The following DRG2 variants were observed in gnomAD, a reference collection of about 807,000 sequenced individuals.
DRG2 encodes the protein developmentally-regulated GTP-binding protein 2.
Under a neutral mutation model 53.4 loss-of-function variants are expected in DRG2, and 36 were observed. The observed-to-expected ratio is 0.67, with a 90% CI of 0.52 to 0.89. DRG2 has a LOEUF of 0.89. Among genes scored for constraint, DRG2 ranks in the 40% least tolerant of loss-of-function variants. The pLI is 0.00. For synonymous variants in DRG2, 167 were observed against 192.1 expected (o/e 0.87, Z 1.08); for missense variants, 342 against 481.2 (o/e 0.71, Z 2.71).
chr17:18,106,323 C>T (rs529676779), intron 11 of DRG2, 110 bp from the exon 12 acceptor site: 239 of 1,246,574 alleles, frequency 1.9e-4, no homozygotes, highest in Non-Finnish European at 2.4e-4. Flanking sequence ...GCACCTGCCG[C>T]GGGAACTCCT....
chr17:18,092,953 A>G (rs1350274629), intron 1 of DRG2, among the ~76,000 whole-genome samples: 4 of 152,352 alleles, frequency 2.6e-5, no homozygotes, highest in Middle Eastern at 3.4e-3. Flanking sequence ...CTTCATATAC[A>G]TAATAGTTGC....
At chr17:18,088,229 G>C in intron 1 of DRG2, 142 bp downstream of exon 1, 2 of 1,080,538 alleles carry the variant, frequency 1.9e-6, no homozygotes, top group Non-Finnish European at 2.6e-6. Flanking sequence ...AGGCCGCCCT[G>C]CGCGCCCAAG....
chr17:18,099,329 T>TAG lies in DRG2; in HGVS notation c.376+253_376+254dup. ...GCATAATAATACATAATTTACAGCA[T>TAG]AGTTTTGAGGATTAAGTGAGGAAAT... On this transcript the variant is annotated intron_variant, in intron 4 of 12. Transcript: ENST00000225729. The surrounding 1 kb of genome is among the most constrained non-coding windows in gnomAD (Gnocchi z 4.4). The TAG allele has an allele frequency of 1.6e-6, 1 of 609,914 alleles. No homozygotes were observed. Among genetic ancestry groups the TAG allele is most frequent in the Non-Finnish European group, 2.9e-6 (1 of 346,994 alleles). 37.8% of individuals were successfully genotyped at this position (609,914 alleles called of 1,614,324 possible).
Position 18,104,804 on chromosome 17 carries a change from G to A in DRG2, c.954+123G>A, listed in dbSNP as rs995904269. ...GCTGGTCTCACTCTCAGATGTCAAC[G>A]CAGGCTCTGGAGTTGGACAGCCTGG... On this transcript the variant is annotated intron_variant, in intron 11 of 12. Transcript: ENST00000225729. 50 of 1,506,186 alleles carry A rather than the reference G, an allele frequency of 3.3e-5. No individual in the cohort carries two copies. The Middle Eastern group carries it at 8.7e-4, about 26-fold the overall frequency. 93.3% of individuals were successfully genotyped at this position (1,506,186 alleles called of 1,614,324 possible).
chr17:18,092,657 T>G (rs2045353526), intron 1 of DRG2, among the ~76,000 whole-genome samples: 1 of 152,084 alleles, frequency 6.6e-6, no homozygotes, highest in Admixed American at 6.6e-5. Context: ...AATACCCTAA[T>G]AGTAATATAA....
At position 18,099,976 on chromosome 17, in the gene DRG2, ACAGGTGCCTCATCACTGCCCAGAACCTGC is replaced by A. The variant is rs2045500740; in HGVS notation, c.467+258_467+286del. 1.7e-6 allele frequency: 1 copy of A among 592,222 alleles called. No homozygotes were observed. 36.7% of individuals were successfully genotyped at this position (592,222 alleles called of 1,614,324 possible). A position where few individuals can be genotyped will look rare whatever the true frequency, so the allele number is the denominator to read the frequency against. Reference sequence around the variant, plus strand: ...CTGGCCCTGCTTCCTGTTCAGAGGCACAGGTGCCTCATCACTGCCCAGAACCTGCCAGGAGCCCAGCCCCAGGCACAGAA... The same window carrying A: ...CTGGCCCTGCTTCCTGTTCAGAGGCACAGGAGCCCAGCCCCAGGCACAGAA... On this transcript the variant is annotated intron_variant, in intron 5 of 12. Transcript: ENST00000225729. This position sits in a 1 kb window ranked among gnomAD's most constrained non-coding sequence, Gnocchi z 4.4.
intron 11 of DRG2, chr17:18,106,113 C>A: frequency 2.5e-6 from 1 of 398,062 alleles, no homozygotes; most frequent in South Asian, 2.7e-5. Context: ...TCTAAAGGAG[C>A]ATCTGTTCAG....
At chr17:18,094,987 A>T (rs970909999) in intron 2 of DRG2, among the ~76,000 whole-genome samples, 7 of 149,730 alleles carry the variant, frequency 4.7e-5, no homozygotes, top group African/African-American at 1.5e-4. Context: ...AAAAAAAAAA[A>T]AAAAAAAAAA....
At chr17:18,092,204 C>G (rs1208660276) in intron 1 of DRG2, 1 of 152,180 alleles carries the variant, frequency 6.6e-6, no homozygotes, top group Non-Finnish European at 1.5e-5. Flanking sequence ...GTGGCTCAAC[C>G]TGTAATCCCA....
At chr17:18,104,254 C>T (rs950539661) in intron 10 of DRG2, among the ~76,000 whole-genome samples, 4 of 152,140 alleles carry the variant, frequency 2.6e-5, no homozygotes, top group Non-Finnish European at 4.4e-5. Context: ...CAGCTGAATT[C>T]GGAGCAGTTT....
chr17:18,098,967 T>G lies in DRG2; in HGVS notation c.316-50T>G, dbSNP rs1354510348. 6.2e-7 allele frequency: 1 copy of G among 1,606,390 alleles called. No individual in the cohort carries two copies. Among genetic ancestry groups the G allele is most frequent in the South Asian group, 1.1e-5 (1 of 90,826 alleles). ...ATGTCCCAGATCCAGACAGGACCTT[T>G]CCAGTGGAGGCCCAGCCTTGCCTTA... On this transcript the variant is annotated intron_variant, in intron 3 of 12. Transcript: ENST00000225729. The surrounding 1 kb of genome is among the most constrained non-coding windows in gnomAD (Gnocchi z 4.1).
At chr17:18,093,764 G>A (rs1394722940) in intron 1 of DRG2, 49 bp from the exon 2 acceptor site, 18 of 1,592,880 alleles carry the variant, frequency 1.1e-5, no homozygotes, top group Admixed American at 1.7e-5. Context: ...TGACCCCTGG[G>A]CTTGGACACC....
rs549993150 is a variant in DRG2, at chr17:18,100,714, G to C, written c.631+55G>C. The C allele has an allele frequency of 6.5e-7, 1 of 1,534,798 alleles. No individual in the cohort carries two copies. Among genetic ancestry groups the C allele is most frequent in the African/African-American group, 1.4e-5 (1 of 72,876 alleles). On this transcript the variant is annotated intron_variant, in intron 7 of 12. Coordinates refer to ENST00000225729, the MANE Select transcript of DRG2 (RefSeq NM_001388.5). This position sits in a 1 kb window ranked among gnomAD's most constrained non-coding sequence, Gnocchi z 4.1. Reference sequence around the variant, plus strand: ...GGGCAGCCACCACCGTCAGCGCAGCGGGGGGACTGACTAAGACAGGAGGCC... The same window carrying C: ...GGGCAGCCACCACCGTCAGCGCAGCCGGGGGACTGACTAAGACAGGAGGCC...
At chr17:18,104,426 G>A (rs2045591479) in intron 10 of DRG2, 197 bp from the exon 11 acceptor site, 2 of 1,205,160 alleles carry the variant, frequency 1.7e-6, no homozygotes, top group Non-Finnish European at 2.2e-6. Context: ...TTTATTTTGA[G>A]TCACTGTGTT....
Position 18,098,383 on chromosome 17 carries a change from AAGG to A in DRG2, c.315+27_315+29del, listed in dbSNP as rs2045469979. 1 of 1,604,294 alleles carries A rather than the reference AAGG, an allele frequency of 6.2e-7. No individual in the cohort carries two copies. The highest frequency in any genetic ancestry group is 2.2e-5 in the East Asian group (1 of 44,780). ...AAGTAAGTGGGTGTGCTGGGCCCAG[AAGG>A]AGAAGGGGCGCATGCTTGTGTTTGG... On this transcript the variant is annotated intron_variant, in intron 3 of 12. Transcript: ENST00000225729. This position sits in a 1 kb window ranked among gnomAD's most constrained non-coding sequence, Gnocchi z 4.1.
chr17:18,093,505 A>T lies in DRG2; in HGVS notation c.65-308A>T, dbSNP rs1329926707. On this transcript the variant is annotated intron_variant, in intron 1 of 12. Coordinates refer to ENST00000225729, the MANE Select transcript of DRG2 (RefSeq NM_001388.5). ...AGCTAATTTTGTATTTTTAGTAGAG[A>T]CAGGGTTTCTCCATGTTGGTCAGGC... 3.3e-5 allele frequency among the ~76,000 whole-genome samples: 5 copies of T among 152,218 alleles called. No individual in the cohort carries two copies. In the East Asian group the frequency reaches 9.6e-4, roughly 29 times the overall value.
intron 8 of DRG2, 125 bp downstream of exon 8, chr17:18,101,715 C>T (rs1386599726): frequency 6.4e-6 from 7 of 1,087,356 alleles, no homozygotes; most frequent in Non-Finnish European, 9.3e-6. Context: ...CTCACCTCAC[C>T]TCAGTGGCTG....
chr17:18,090,273 C>CA, intron 1 of DRG2, among the ~76,000 whole-genome samples: 1 of 136,286 alleles, frequency 7.3e-6, no homozygotes, highest in Non-Finnish European at 1.5e-5. Flanking sequence ...GATCATAGCT[C>CA]ACTGTAACTT....
At chr17:18,088,174 T>C in intron 1 of DRG2, 87 bp downstream of exon 1, 4 of 1,455,412 alleles carry the variant, frequency 2.7e-6, no homozygotes, top group South Asian at 1.3e-5. Context: ...GCAGTAATGC[T>C]GGGGCAAGAT....
Sources: gnomAD v4.1 joint callset for allele counts (sites outside exome capture counted in the v4.1 genomes callset) on GRCh38, gnomAD v4.1.1 for gene constraint, Gnocchi (gnomAD v3.1) non-coding constraint, MANE v1.5 for transcripts, NCBI Gene and HGNC (gene_info 2026-07-23, HGNC 2026-07-21) for gene names.